Variants in UNC5D observed in about 807,000 individuals in gnomAD.
UNC5D encodes the protein unc-5 netrin receptor D.
In UNC5D, 39 loss-of-function variants were observed where a neutral mutation model predicts 105.4. That is an observed-to-expected ratio of 0.37 (90% CI 0.29 to 0.48). The LOEUF (loss-of-function observed/expected upper bound fraction) is 0.48, where lower values mean the gene tolerates loss of function less well. Ranked by LOEUF, UNC5D falls within the 20% of genes least tolerant of loss-of-function variation. The pLI, the probability that UNC5D is intolerant of heterozygous loss-of-function variation, is 0.98. For synonymous variants in UNC5D, 452 were observed against 450.4 expected (o/e 1.00, Z -0.04); for missense variants, 991 against 1,202.4 (o/e 0.82, Z 2.60).
rs761905155 is a variant in UNC5D at position 35,750,681 on chromosome 8, A to G, written c.2035A>G (p.Thr679Ala). The G allele has an allele frequency of 8.7e-6, 14 of 1,613,994 alleles. No homozygotes were observed. Among genetic ancestry groups the G allele is most frequent in the Admixed American group, 1.7e-5 (1 of 59,996 alleles). The change falls in exon 13 of 17, where the codon ACT becomes GCT. Residue 679 changes from threonine to alanine, a missense_variant. Thr to Ala is a moderately conservative substitution (Grantham distance 58). Coordinates refer to ENST00000404895, the MANE Select transcript of UNC5D (RefSeq NM_080872.4). ...GGACAGCTTTGGGACCTATGCGCTC[A>G]CTGGAGAGCCAATCACAGACTGTGC... ...LLDSFGTYALTGEPITDCAVK... is the reference protein window; with the variant it reads ...LLDSFGTYALAGEPITDCAVK...
At chr8:35,631,642 C>A (rs1196839693) in intron 4 of UNC5D, among the ~76,000 whole-genome samples, 1 of 152,194 alleles carries the variant, frequency 6.6e-6, no homozygotes, top group Non-Finnish European at 1.5e-5. Flanking sequence ...GTAGTCCGAA[C>A]AGAGTAGATG....
At chr8:35,345,608 G>A (rs1235821798) in intron 1 of UNC5D, among the ~76,000 whole-genome samples, 2 of 152,016 alleles carry the variant, frequency 1.3e-5, no homozygotes, top group East Asian at 1.9e-4. Flanking sequence ...AAGAGTAAAC[G>A]TAGCTGTGTG....
At chr8:35,726,112 C>T in intron 9 of UNC5D, 40 bp from the exon 10 acceptor site, 1 of 1,577,018 alleles carries the variant, frequency 6.3e-7, no homozygotes, top group Non-Finnish European at 8.6e-7. Context: ...ACTGAGATGC[C>T]TTTTAGTTTC....
At chr8:35,678,812 G>A (rs187498078) in intron 4 of UNC5D, among the ~76,000 whole-genome samples, 23 of 151,138 alleles carry the variant, frequency 1.5e-4, no homozygotes, top group African/African-American at 5.3e-4. Flanking sequence ...CCTCTTTTTT[G>A]TTCTTTTCTC....
chr8:35,254,065 G>A (rs1465080611), intron 1 of UNC5D, among the ~76,000 whole-genome samples: 1 of 152,114 alleles, frequency 6.6e-6, no homozygotes, highest in Non-Finnish European at 1.5e-5. Flanking sequence ...AGAGTTTAAT[G>A]CTTTCATACA....
intron 1 of UNC5D, among the ~76,000 whole-genome samples, chr8:35,448,925 T>G (rs114056171): frequency 0.01 from 1,528 of 151,808 alleles, 23 homozygotes; most frequent in African/African-American, 0.035. Context: ...TCCATGTTGC[T>G]GCAAAAGGTA....
intron 4 of UNC5D, among the ~76,000 whole-genome samples, chr8:35,603,039 A>G (rs1275601168): frequency 1.3e-5 from 2 of 151,442 alleles, no homozygotes; most frequent in African/African-American, 2.4e-5. Context: ...TTGTGTCTCT[A>G]TTTCCTTCAG....
intron 1 of UNC5D, among the ~76,000 whole-genome samples, chr8:35,339,707 C>T (rs2128900783): frequency 6.6e-6 from 1 of 152,264 alleles, no homozygotes; most frequent in South Asian, 2.1e-4. Context: ...ATGCTCAGCT[C>T]TCAAAAGCAA....
intron 1 of UNC5D, among the ~76,000 whole-genome samples, chr8:35,407,729 C>T (rs1804901385): frequency 6.6e-6 from 1 of 152,046 alleles, no homozygotes; most frequent in Non-Finnish European, 1.5e-5. Context: ...TGTGTTGGTC[C>T]CCTCTATGTG....
intron 1 of UNC5D, among the ~76,000 whole-genome samples, chr8:35,264,695 A>C (rs930353288): frequency 5.3e-5 from 8 of 149,840 alleles, no homozygotes; most frequent in African/African-American, 2.0e-4. Context: ...ATGCCACTGC[A>C]CTCCAGCCTG....
intron 4 of UNC5D, among the ~76,000 whole-genome samples, chr8:35,620,067 AAG>A (rs558089226): frequency 1.3e-5 from 2 of 152,286 alleles, no homozygotes; most frequent in Admixed American, 1.3e-4. Context: ...GTAGCAACAA[AAG>A]AGGGGGTCAA....
chr8:35,688,492 A>T (rs1360899793), intron 7 of UNC5D, among the ~76,000 whole-genome samples: 1 of 152,184 alleles, frequency 6.6e-6, no homozygotes, highest in East Asian at 1.9e-4. Context: ...GATAGCCTAT[A>T]GTGCCTTTAT....
At chr8:35,645,714 C>T (rs1823004281) in intron 4 of UNC5D, among the ~76,000 whole-genome samples, 1 of 152,010 alleles carries the variant, frequency 6.6e-6, no homozygotes, top group Non-Finnish European at 1.5e-5. Context: ...AGGCATTTTT[C>T]AGAGAATATA....
At chr8:35,555,159 T>C (rs1347569413) in intron 2 of UNC5D, among the ~76,000 whole-genome samples, 1 of 152,200 alleles carries the variant, frequency 6.6e-6, no homozygotes, top group African/African-American at 2.4e-5. Context: ...AAGTGTTTTA[T>C]TGACAGTTTG....
chr8:35,444,760 T>G (rs560589254), intron 1 of UNC5D, among the ~76,000 whole-genome samples: 16 of 152,114 alleles, frequency 1.1e-4, no homozygotes, highest in Admixed American at 7.9e-4. Flanking sequence ...ACTACACTTA[T>G]GCTTCCTCTG....
In UNC5D at chr8:35,473,251, G is replaced by A. The variant is rs553363984; in HGVS notation, c.104-76041G>A. Among the ~76,000 whole-genome samples, 8 of 152,256 alleles carry A rather than the reference G, an allele frequency of 5.3e-5. No individual in the cohort carries two copies. The South Asian group carries it at 1.7e-3, about 32-fold the overall frequency. On this transcript the variant is annotated intron_variant, in intron 1 of 16. Coordinates refer to ENST00000404895, the MANE Select transcript of UNC5D (RefSeq NM_080872.4). ...GATGTCCCAGAGGATGGGGAGGGGA[G>A]AATATCAGCACTGAAGAAAAGAGAC...
chr8:35,639,432 G>T (rs1822574295), intron 4 of UNC5D, among the ~76,000 whole-genome samples: 1 of 152,126 alleles, frequency 6.6e-6, no homozygotes, highest in South Asian at 2.1e-4. Context: ...ATAGCATATT[G>T]CTTTCATATT....
intron 4 of UNC5D, among the ~76,000 whole-genome samples, chr8:35,650,483 G>C (rs568916252): frequency 6.6e-6 from 1 of 151,956 alleles, no homozygotes; most frequent in Non-Finnish European, 1.5e-5. Context: ...TTCTATTTTT[G>C]TTTTTTTGAG....
At chr8:35,434,985 C>T (rs1208763396) in intron 1 of UNC5D, among the ~76,000 whole-genome samples, 2 of 152,020 alleles carry the variant, frequency 1.3e-5, no homozygotes, top group Non-Finnish European at 2.9e-5. Context: ...ATATCTTCAT[C>T]TGTGCACTTA....
Sources: allele counts gnomAD v4.1 joint callset (sites outside exome capture counted in the v4.1 genomes callset), GRCh38; gene constraint gnomAD v4.1.1; transcripts MANE v1.5; gene names NCBI Gene and HGNC (gene_info 2026-07-23, HGNC 2026-07-21).